The following C8orf34 variants were observed in gnomAD, a reference collection of about 807,000 sequenced individuals.
C8orf34 encodes uncharacterized protein C8orf34.
Under a neutral mutation model 68.3 loss-of-function variants are expected in C8orf34, and 65 were observed. The ratio of observed to expected loss-of-function variants is 0.95; its 90% CI spans 0.78 to 1.17. C8orf34 has a LOEUF of 1.17. Among genes scored for constraint, C8orf34 ranks in the 50% most tolerant of loss-of-function variants. The pLI, the probability that C8orf34 is intolerant of heterozygous loss-of-function variation, is 0.00. For missense variants in C8orf34, 664 were observed against 655.4 expected, an observed-to-expected ratio of 1.01 and a Z score of -0.14; for synonymous variants, 244 against 241.2, an observed-to-expected ratio of 1.01 and a Z score of -0.11.
chr8:68,577,180 A>G (rs531188142), intron 7 of C8orf34, among the ~76,000 whole-genome samples: 1 of 151,990 alleles, frequency 6.6e-6, no homozygotes, highest in Non-Finnish European at 1.5e-5. Flanking sequence ...GGTATTGCTA[A>G]TTGAGAAAAA....
chr8:68,579,507 C>A (rs993492137), intron 7 of C8orf34, among the ~76,000 whole-genome samples: 5 of 152,074 alleles, frequency 3.3e-5, no homozygotes, highest in African/African-American at 1.2e-4. Context: ...CTATTTTGTC[C>A]TTTATTGCTT....
chr8:68,497,458 C>T (rs1331546003), intron 5 of C8orf34, among the ~76,000 whole-genome samples: 5 of 152,152 alleles, frequency 3.3e-5, no homozygotes, highest in African/African-American at 1.2e-4. Context: ...TTTACAATAT[C>T]TAGTACATTA....
intron 1 of C8orf34, among the ~76,000 whole-genome samples, chr8:68,385,629 T>C (rs1330949339): frequency 6.6e-6 from 1 of 152,172 alleles, no homozygotes; most frequent in East Asian, 1.9e-4. Context: ...ACAGATAAGA[T>C]CCATGTAGGA....
At chr8:68,534,990 C>T (rs1815401780) in intron 7 of C8orf34, 1 of 985,256 alleles carries the variant, frequency 1.0e-6, no homozygotes, top group African/African-American at 1.7e-5. Context: ...TTTGGACTTT[C>T]TTCATGTAAT....
intron 1 of C8orf34, among the ~76,000 whole-genome samples, chr8:68,386,401 G>C (rs1808261769): frequency 6.6e-6 from 1 of 152,124 alleles, no homozygotes; most frequent in African/African-American, 2.4e-5. Context: ...TAAGAAGGAA[G>C]ACTTAAGGGG....
intron 8 of C8orf34, among the ~76,000 whole-genome samples, chr8:68,643,003 C>T (rs1351432339): frequency 6.6e-6 from 1 of 152,152 alleles, no homozygotes; most frequent in Non-Finnish European, 1.5e-5. Flanking sequence ...GCTCCCTTGC[C>T]TGCCGCTAAC....
chr8:68,478,708 A>C (rs1812728980), intron 4 of C8orf34, among the ~76,000 whole-genome samples: 2 of 152,168 alleles, frequency 1.3e-5, no homozygotes, highest in Non-Finnish European at 2.9e-5. Context: ...CACCTTCTTC[A>C]CAAGATGGCA....
intron 3 of C8orf34, among the ~76,000 whole-genome samples, chr8:68,466,738 CATATATAT>C (rs35661495): frequency 4.1e-5 from 5 of 120,628 alleles, no homozygotes; most frequent in East Asian, 4.2e-4. Context: ...CAACGTTGTA[CATATATAT>C]ATATATATAT....
chr8:68,534,079 T>G, intron 7 of C8orf34: 1 of 983,990 alleles, frequency 1.0e-6, no homozygotes, highest in Non-Finnish European at 1.2e-6. Context: ...ATTCCTTGGT[T>G]TTAAGTGTTT....
chr8:68,816,211 A>G (rs1824813858), intron 13 of C8orf34, among the ~76,000 whole-genome samples: 1 of 151,406 alleles, frequency 6.6e-6, no homozygotes, highest in Admixed American at 6.6e-5. Flanking sequence ...CTCCCTTGCT[A>G]AGGTGGGAGG....
intron 7 of C8orf34, among the ~76,000 whole-genome samples, chr8:68,622,002 G>A (rs532073990): frequency 3.2e-4 from 49 of 152,294 alleles, no homozygotes; most frequent in Admixed American, 9.2e-4. Context: ...TCCAGCCAGG[G>A]CTCATGAGGT....
intron 7 of C8orf34, among the ~76,000 whole-genome samples, chr8:68,547,902 T>C (rs944545713): frequency 1.3e-5 from 2 of 151,742 alleles, no homozygotes; most frequent in South Asian, 4.1e-4. Flanking sequence ...TCCACACATA[T>C]GTGGTCAATT....
intron 10 of C8orf34, among the ~76,000 whole-genome samples, chr8:68,745,475 G>A (rs941343105): frequency 1.3e-5 from 2 of 152,110 alleles, no homozygotes; most frequent in Non-Finnish European, 2.9e-5. Context: ...TCAGTGTGCT[G>A]TATTCAGGAA....
chr8:68,749,058 T>TA (rs1259377230), intron 10 of C8orf34, among the ~76,000 whole-genome samples: 1 of 152,032 alleles, frequency 6.6e-6, no homozygotes, highest in African/African-American at 2.4e-5. Flanking sequence ...TATGCAGCCA[T>TA]AAAAAATGAT....
rs114383855 is a variant in C8orf34 at position 68,565,254 on chromosome 8, C to G, written c.1105+32105C>G. 3.4e-3 allele frequency among the ~76,000 whole-genome samples: 512 copies of G among 152,194 alleles called. 4 individuals carry two copies. The highest frequency in any genetic ancestry group is 0.012 in the African/African-American group (506 of 41,512). ...AGTCGTGATGTTTTCAGAATTGGAT[C>G]GTTGTTCTCCTGAAGGATGGGCTTT... On this transcript the variant is annotated intron_variant, in intron 7 of 13. Coordinates refer to ENST00000518698, the MANE Select transcript of C8orf34 (RefSeq NM_052958.4).
chr8:68,748,056 C>A (rs369859112), intron 10 of C8orf34, among the ~76,000 whole-genome samples: 1 of 149,774 alleles, frequency 6.7e-6, no homozygotes, highest in East Asian at 2.0e-4. Context: ...CAATGGAACA[C>A]AACAGAGCCC....
intron 1 of C8orf34, among the ~76,000 whole-genome samples, chr8:68,398,741 T>C (rs1808824895): frequency 6.6e-6 from 1 of 152,196 alleles, no homozygotes; most frequent in South Asian, 2.1e-4. Context: ...TTATAGCAGT[T>C]TGAAAAAGTT....
intron 8 of C8orf34, among the ~76,000 whole-genome samples, chr8:68,681,716 C>T (rs1820377272): frequency 6.6e-6 from 1 of 152,184 alleles, no homozygotes; most frequent in Non-Finnish European, 1.5e-5. Flanking sequence ...TATCTGCATT[C>T]TCATGTTTAT....
At chr8:68,655,051 A>C (rs1819473625) in intron 8 of C8orf34, among the ~76,000 whole-genome samples, 1 of 152,152 alleles carries the variant, frequency 6.6e-6, no homozygotes, top group Non-Finnish European at 1.5e-5. Context: ...GCTTTAATAA[A>C]AATCACTGGC....
Sources: gnomAD v4.1 joint callset for allele counts (sites outside exome capture counted in the v4.1 genomes callset) on GRCh38, gnomAD v4.1.1 for gene constraint, MANE v1.5 for transcripts, NCBI Gene and HGNC (gene_info 2026-07-23, HGNC 2026-07-21) for gene names.